Variants in LAMB4 observed in about 807,000 individuals in gnomAD.
The protein encoded by LAMB4 is laminin subunit beta 4, also known as laminin subunit beta-4.
Under a neutral mutation model 199.2 loss-of-function variants are expected in LAMB4, and 196 were observed. That is an observed-to-expected ratio of 0.98 (90% CI 0.88 to 1.11). The LOEUF (loss-of-function observed/expected upper bound fraction) is 1.11. Ranked by LOEUF, LAMB4 falls within the 50% of genes least tolerant of loss-of-function variation. The probability of loss-of-function intolerance (pLI) is 0.00; values close to 1 mark genes in which losing one functional copy is unlikely to be tolerated. For missense variants in LAMB4, 2,080 were observed against 2,171.2 expected (o/e 0.96, Z 0.83); for synonymous variants, 744 against 770.6 (o/e 0.97, Z 0.57).
At chr7:108,029,294 A>T (rs1406796130) in intron 32 of LAMB4, 98 bp from the exon 33 acceptor site, 1 of 1,054,290 alleles carries the variant, frequency 9.5e-7, no homozygotes, top group African/African-American at 1.6e-5. Context: ...AGGAATACAG[A>T]GGAAACCTTA....
chr7:108,035,488 G>A (rs977248098), intron 30 of LAMB4, among the ~76,000 whole-genome samples: 37 of 149,532 alleles, frequency 2.5e-4, no homozygotes, highest in African/African-American at 9.1e-4. Context: ...GTTGCAGTGA[G>A]CTGAGATCGT....
At chr7:108,077,096 A>G (rs751070151) in intron 16 of LAMB4, 32 bp from the exon 17 acceptor site, 1 of 1,608,134 alleles carries the variant, frequency 6.2e-7, no homozygotes, top group Non-Finnish European at 8.5e-7. Flanking sequence ...AAAAATTCAG[A>G]CCACAGAAAT....
chr7:108,028,285 T>A (rs1165882952), intron 33 of LAMB4, among the ~76,000 whole-genome samples: 2 of 152,138 alleles, frequency 1.3e-5, no homozygotes, highest in Non-Finnish European at 2.9e-5. Context: ...GGTTTCTTAA[T>A]CTCAGCACTA....
chr7:108,053,295 G>A (rs11487092), intron 25 of LAMB4, among the ~76,000 whole-genome samples: 25,780 of 152,138 alleles, frequency 0.17, 6,647 homozygotes, highest in African/African-American at 0.56. Flanking sequence ...GATTTAAACC[G>A]GGTAGTTTGA....
intron 3 of LAMB4, among the ~76,000 whole-genome samples, chr7:108,112,874 G>T (rs756248323): frequency 6.6e-6 from 1 of 152,204 alleles, no homozygotes; most frequent in Non-Finnish European, 1.5e-5. Flanking sequence ...CTCAGTGCAC[G>T]TTGCTTGTAT....
At chr7:108,094,329 T>G (rs1357050766) in intron 12 of LAMB4, among the ~76,000 whole-genome samples, 3 of 152,232 alleles carry the variant, frequency 2.0e-5, no homozygotes, top group African/African-American at 4.8e-5. Context: ...TCATGGAGGT[T>G]GGCGTGGCTG....
intron 2 of LAMB4, among the ~76,000 whole-genome samples, chr7:108,119,017 T>C (rs1352478061): frequency 1.3e-5 from 2 of 152,128 alleles, no homozygotes; most frequent in Non-Finnish European, 2.9e-5. Context: ...GATACACAGA[T>C]GGCAAATAAA....
intron 29 of LAMB4, among the ~76,000 whole-genome samples, chr7:108,038,368 G>A (rs890684584): frequency 1.3e-5 from 2 of 152,166 alleles, no homozygotes; most frequent in South Asian, 2.1e-4. Context: ...TCACCATGTT[G>A]GCCAGGATGG....
chr7:108,044,867 C>T (rs2035559760), intron 28 of LAMB4, among the ~76,000 whole-genome samples: 1 of 146,396 alleles, frequency 6.8e-6, no homozygotes, highest in African/African-American at 2.6e-5. Flanking sequence ...GCAGGAGAAT[C>T]GCTTGAATCC....
intron 19 of LAMB4, 79 bp downstream of exon 19, chr7:108,067,937 C>A (rs2036398194): frequency 3.9e-6 from 6 of 1,553,398 alleles, no homozygotes; most frequent in African/African-American, 2.7e-5. Context: ...CCCATTAAAA[C>A]CCCCCTCCAT....
intron 8 of LAMB4, 149 bp from the exon 9 acceptor site, chr7:108,104,768 T>C (rs2037942751): frequency 4.8e-6 from 4 of 827,924 alleles, no homozygotes; most frequent in Middle Eastern, 3.5e-4. Flanking sequence ...TTGATTATCT[T>C]CTATTATTTT....
intron 28 of LAMB4, among the ~76,000 whole-genome samples, chr7:108,047,228 T>C (rs77379201): frequency 0.13 from 19,230 of 152,094 alleles, 2,159 homozygotes; most frequent in African/African-American, 0.3. Flanking sequence ...ATGACACAGG[T>C]TGGAACTGCA....
rs746997102 is a variant in LAMB4, at chr7:108,095,322, G to C, written c.1376C>G (p.Pro459Arg). The part of the protein sequence containing the change: ...PLGCQPCDCN[P>R]LGSLPFLTCD... ...GGTCAAGAATGGCAGACTCCCAAGG[G>C]GGTTACAGTCGCAGGCTGAAAGCAC... Residue 459 changes from proline (P) to arginine (R), a missense_variant, in exon 12 of 34, where the codon CCC becomes CGC. Transcript: ENST00000388781. 1.2e-6 allele frequency: 2 copies of C among 1,613,464 alleles called. No homozygotes were observed. The highest frequency in any genetic ancestry group is 1.7e-6 in the Non-Finnish European group (2 of 1,179,614).
At position 108,035,509 on chromosome 7, in the gene LAMB4, T is replaced by G. The variant is rs545423084; in HGVS notation, c.4680-1163A>C. 3.0e-5 allele frequency among the ~76,000 whole-genome samples: 4 copies of G among 133,996 alleles called. No individual in the cohort carries two copies. In the South Asian group the frequency reaches 1.0e-3, roughly 34 times the overall value. 87.9% of individuals were successfully genotyped at this position (133,996 alleles called of 152,430 possible). A position where few individuals can be genotyped will look rare whatever the true frequency, so the allele number is the denominator to read the frequency against. On this transcript the variant is annotated intron_variant, in intron 30 of 33. Coordinates refer to ENST00000388781, the MANE Select transcript of LAMB4 (RefSeq NM_007356.3). ...GTGAGCTGAGATCGTGCCACTGCAC[T>G]CCAGCCTGGATGACAGAATGAGACC...
chr7:108,099,017 T>A (rs1280992549), intron 10 of LAMB4, among the ~76,000 whole-genome samples: 1 of 152,170 alleles, frequency 6.6e-6, no homozygotes. Flanking sequence ...AAATAGATTT[T>A]AAAAAAGACT....
chr7:108,067,350 C>T (rs2036377943), intron 19 of LAMB4, among the ~76,000 whole-genome samples: 1 of 152,158 alleles, frequency 6.6e-6, no homozygotes, highest in Non-Finnish European at 1.5e-5. Flanking sequence ...AGGAAATTAA[C>T]CTACCTGTAG....
intron 19 of LAMB4, among the ~76,000 whole-genome samples, chr7:108,067,628 A>G (rs551131565): frequency 5.4e-4 from 82 of 152,256 alleles, no homozygotes; most frequent in Middle Eastern, 3.4e-3. Context: ...TGACTCCCCA[A>G]TCTTATCATT....
intron 29 of LAMB4, among the ~76,000 whole-genome samples, chr7:108,039,356 T>C (rs1237006254): frequency 6.6e-6 from 1 of 152,116 alleles, no homozygotes; most frequent in Non-Finnish European, 1.5e-5. Context: ...TGAAATATTT[T>C]ACTTTCTGTA....
chr7:108,104,276 G>A (rs1410481398), intron 9 of LAMB4, among the ~76,000 whole-genome samples: 1 of 134,324 alleles, frequency 7.4e-6, no homozygotes, highest in South Asian at 2.3e-4. Flanking sequence ...CATGCTTACT[G>A]TTTCATTTTT....
Sources: gnomAD v4.1 joint callset for allele counts (sites outside exome capture counted in the v4.1 genomes callset) on GRCh38, gnomAD v4.1.1 for gene constraint, MANE v1.5 for transcripts, NCBI Gene and HGNC (gene_info 2026-07-23, HGNC 2026-07-21) for gene names.